PRR16: variants seen among roughly 807,000 people sequenced by gnomAD.
The protein encoded by PRR16 is protein Largen.
A neutral mutation model predicts 18.2 loss-of-function variants in PRR16; 6 were observed. The observed-to-expected ratio is 0.33, with a 90% CI of 0.18 to 0.65. The LOEUF (loss-of-function observed/expected upper bound fraction) is 0.65, where lower values mean the gene tolerates loss of function less well. Among genes scored for constraint, PRR16 ranks in the 30% least tolerant of loss-of-function variants. The pLI, the probability that PRR16 is intolerant of heterozygous loss-of-function variation, is 0.74. For synonymous variants in PRR16, 151 were observed against 147.8 expected, an observed-to-expected ratio of 1.02 and a Z score of -0.16; for missense variants, 412 against 376.6, an observed-to-expected ratio of 1.09 and a Z score of -0.78.
chr5:120,706,337 T>C, the PRR16 span, among the ~76,000 whole-genome samples: 7 of 11,422 alleles, frequency 6.1e-4, no homozygotes, highest in Non-Finnish European at 3.3e-4. Flanking sequence ...CTTGGGGACA[T>C]ATTTTCACTC....
intron 1 of PRR16, among the ~76,000 whole-genome samples, chr5:120,477,379 A>G (rs1239025142): frequency 6.6e-6 from 1 of 152,066 alleles, no homozygotes; most frequent in East Asian, 1.9e-4. Flanking sequence ...AGTTAACGGC[A>G]TCTCCATCCT....
At chr5:120,536,176 G>A (rs1188336469) in intron 1 of PRR16, among the ~76,000 whole-genome samples, 1 of 152,172 alleles carries the variant, frequency 6.6e-6, no homozygotes, top group Non-Finnish European at 1.5e-5. Context: ...CATTGTGTGT[G>A]TAACCTCTCT....
chr5:120,726,246 T>G, the PRR16 span, among the ~76,000 whole-genome samples: 2 of 152,034 alleles, frequency 1.3e-5, no homozygotes, highest in Non-Finnish European at 2.9e-5. Flanking sequence ...AAAGATTATA[T>G]CCTTTGGATT....
Position 120,464,611 on chromosome 5 carries a change from G to C in PRR16, c.125G>C (p.Gly42Ala). 1 of 1,576,232 alleles carries C rather than the reference G, an allele frequency of 6.3e-7. No homozygotes were observed. The highest frequency in any genetic ancestry group is 1.3e-5 in the African/African-American group (1 of 74,698). Reference sequence around the variant, plus strand: ...GTGGAGGATTTGGAATTAGTCCTGGGCGACCTGAAGGACGTGGCCAAGGAA... The same window carrying C: ...GTGGAGGATTTGGAATTAGTCCTGGCCGACCTGAAGGACGTGGCCAAGGAA... ...IIVEDLELVL[G>A]DLKDVAKELK... is the part of the protein sequence containing the mutation. Residue 42 changes from glycine to alanine, a missense_variant, in exon 1 of 2, where the codon GGC (glycine) becomes GCC (alanine). By Grantham distance (60) the Gly-to-Ala change is moderately conservative. Transcript: ENST00000407149.
intron 1 of PRR16, among the ~76,000 whole-genome samples, chr5:120,664,664 G>A (rs1194327413): frequency 6.6e-6 from 1 of 151,800 alleles, no homozygotes; most frequent in Non-Finnish European, 1.5e-5. Flanking sequence ...GTGTCCATGT[G>A]TTCTCATTGT....
At chr5:120,712,616 G>A in the PRR16 span, among the ~76,000 whole-genome samples, 1 of 151,680 alleles carries the variant, frequency 6.6e-6, no homozygotes, top group African/African-American at 2.4e-5. Context: ...CAATTCAATA[G>A]TAAAAGAAAA....
Position 120,686,174 on chromosome 5 carries a change from C to A in PRR16, c.380C>A (p.Pro127Gln), listed in dbSNP as rs1757114337. 1 of 1,614,120 alleles carries A rather than the reference C, an allele frequency of 6.2e-7. No homozygotes were observed. The highest frequency in any genetic ancestry group is 1.1e-5 in the South Asian group (1 of 91,080). ...AAGCCAAACCCTCCACCACCTCCTCCAAGGTTGACACCTGTGAAGTGTGAA... is the reference window on the plus strand; with the variant it reads ...AAGCCAAACCCTCCACCACCTCCTCAAAGGTTGACACCTGTGAAGTGTGAA... ...LRKPNPPPPP[P>Q]RLTPVKCEDP... Residue 127 changes from proline to glutamine, a missense_variant, in exon 2 of 2, where the codon CCA (proline) becomes CAA (glutamine). Physicochemically the swap from Pro to Gln is moderately conservative, Grantham distance 76. Coordinates refer to ENST00000407149, the MANE Select transcript of PRR16 (RefSeq NM_001300783.2).
chr5:120,490,295 G>A (rs1749980397), intron 1 of PRR16, among the ~76,000 whole-genome samples: 1 of 152,212 alleles, frequency 6.6e-6, no homozygotes, highest in Admixed American at 6.5e-5. Flanking sequence ...ACCGCAATCG[G>A]ATGTAGATTT....
At chr5:120,609,634 A>G (rs533191355) in intron 1 of PRR16, among the ~76,000 whole-genome samples, 1 of 152,198 alleles carries the variant, frequency 6.6e-6, no homozygotes, top group Non-Finnish European at 1.5e-5. Flanking sequence ...AATCTGAAAC[A>G]CTTACACATT....
chr5:120,775,673 C>G, the PRR16 span, among the ~76,000 whole-genome samples: 1 of 150,022 alleles, frequency 6.7e-6, no homozygotes, highest in Non-Finnish European at 1.5e-5. Flanking sequence ...TCTTGTTGCC[C>G]AGGCTGGAGT....
the PRR16 span, among the ~76,000 whole-genome samples, chr5:120,762,136 C>T: frequency 6.6e-6 from 1 of 152,102 alleles, no homozygotes; most frequent in Non-Finnish European, 1.5e-5. Context: ...AGGCTGATTG[C>T]ATGTATCTTT....
At chr5:120,763,930 T>A in the PRR16 span, among the ~76,000 whole-genome samples, 1 of 152,066 alleles carries the variant, frequency 6.6e-6, no homozygotes, top group African/African-American at 2.4e-5. Flanking sequence ...TTTACTGAAT[T>A]TGCTTATCAG....
intron 1 of PRR16, chr5:120,481,149 ATTTTAT>A (rs1749597138): frequency 1.8e-6 from 2 of 1,093,662 alleles, no homozygotes; most frequent in South Asian, 2.8e-5. Flanking sequence ...AATATATCTT[ATTTTAT>A]TTTTTTTTTG....
the PRR16 span, among the ~76,000 whole-genome samples, chr5:120,741,374 A>G: frequency 3.9e-5 from 6 of 152,050 alleles, no homozygotes; most frequent in East Asian, 5.8e-4. Flanking sequence ...GCTTTCTTTC[A>G]TAATTTTTAC....
At chr5:120,669,961 G>A (rs892791577) in intron 1 of PRR16, among the ~76,000 whole-genome samples, 6 of 151,590 alleles carry the variant, frequency 4.0e-5, no homozygotes, top group Non-Finnish European at 8.8e-5. Flanking sequence ...AAGGTTTTAG[G>A]GTATAATTAC....
chr5:120,549,478 T>C (rs1752184921), intron 1 of PRR16, among the ~76,000 whole-genome samples: 1 of 152,060 alleles, frequency 6.6e-6, no homozygotes, highest in Non-Finnish European at 1.5e-5. Context: ...GAAGTGGCTC[T>C]CTGTGGTCTG....
Position 120,529,302 on chromosome 5 carries a change from A to G in PRR16, c.159+64657A>G, listed in dbSNP as rs73266187. 2.8e-3 allele frequency among the ~76,000 whole-genome samples: 431 copies of G among 152,330 alleles called. 3 individuals carry two copies. The highest frequency in any genetic ancestry group is 9.9e-3 in the African/African-American group (410 of 41,590). ...ATGATCACTACTAGCGAAGAGATAC[A>G]TAAAATTGATGCGGAGGCACAGGGG... On this transcript the variant is annotated intron_variant, in intron 1 of 1. Coordinates refer to ENST00000407149, the MANE Select transcript of PRR16 (RefSeq NM_001300783.2).
rs57376695 is a variant in PRR16, at chr5:120,542,833, C to T, written c.159+78188C>T. 4.2e-3 allele frequency among the ~76,000 whole-genome samples: 645 copies of T among 152,116 alleles called. 8 individuals are homozygous for T. Among genetic ancestry groups the T allele is most frequent in the African/African-American group, 0.015 (608 of 41,514 alleles). ...TCACATTTATTTGTCTCTCTTGTGACGACACCTAAGATAGTGTTTATATTA... is the reference window on the plus strand; with the variant it reads ...TCACATTTATTTGTCTCTCTTGTGATGACACCTAAGATAGTGTTTATATTA... On this transcript the variant is annotated intron_variant, in intron 1 of 1. Transcript: ENST00000407149.
chr5:120,541,714 AAGTT>A (rs1470055657), intron 1 of PRR16, among the ~76,000 whole-genome samples: 3 of 152,088 alleles, frequency 2.0e-5, no homozygotes, highest in East Asian at 1.9e-4. Context: ...TTTATAATGA[AAGTT>A]AGTCTTTGGA....
Sources: gnomAD v4.1 joint callset for allele counts (sites outside exome capture counted in the v4.1 genomes callset) on GRCh38, gnomAD v4.1.1 for gene constraint, MANE v1.5 for transcripts, NCBI Gene and HGNC (gene_info 2026-07-23, HGNC 2026-07-21) for gene names.